Variants in DMD observed in about 807,000 individuals in gnomAD.
DMD encodes mutant dystrophin.
DMD carries 63 observed loss-of-function variants against 330.1 expected under a neutral mutation model. The observed-to-expected ratio is 0.19, with a 90% CI of 0.16 to 0.24. The LOEUF is 0.24. Among genes scored for constraint, DMD ranks in the 10% least tolerant of loss-of-function variants. The pLI, the probability that DMD is intolerant of heterozygous loss-of-function variation, is 1.00. For synonymous variants in DMD, 1,223 were observed against 959.8 expected (o/e 1.27, Z -5.07); for missense variants, 3,344 against 2,684.1 (o/e 1.25, Z -5.43).
At chrX:32,906,652 G>A (rs1257309604) in intron 2 of DMD, among the ~76,000 whole-genome samples, 1 of 111,768 alleles carries the variant, frequency 8.9e-6, no homozygotes, top group Non-Finnish European at 1.9e-5. Flanking sequence ...ACTCTTGGTA[G>A]AATGAGAGGC....
intron 41 of DMD, among the ~76,000 whole-genome samples, chrX:32,331,645 C>A (rs2097680640): frequency 9.0e-6 from 1 of 111,167 alleles, no homozygotes; most frequent in East Asian, 2.8e-4. Flanking sequence ...ATTACTGTAA[C>A]ATTAATTCAG....
intron 61 of DMD, among the ~76,000 whole-genome samples, chrX:31,331,488 A>G (rs925158217): frequency 1.8e-5 from 2 of 111,901 alleles, no homozygotes; most frequent in African/African-American, 3.2e-5. Flanking sequence ...AAAACTTCAA[A>G]AACATCACGG....
chrX:31,646,840 C>T (rs1293297688), intron 54 of DMD, among the ~76,000 whole-genome samples: 2 of 112,316 alleles, frequency 1.8e-5, no homozygotes, highest in Non-Finnish European at 3.8e-5. Context: ...CAACGCACTG[C>T]AGGCTTCACT....
chrX:32,651,067 A>T (rs1394296445), intron 9 of DMD, among the ~76,000 whole-genome samples: 1 of 111,814 alleles, frequency 8.9e-6, no homozygotes, highest in Non-Finnish European at 1.9e-5. Context: ...TCCCAATATG[A>T]TCAATCTCTT....
chrX:32,829,688 G>A (rs1420096693), intron 4 of DMD, among the ~76,000 whole-genome samples: 1 of 111,229 alleles, frequency 9.0e-6, no homozygotes, highest in African/African-American at 3.3e-5. Flanking sequence ...TGGCTATACA[G>A]TTCTCTCTGA....
chrX:31,185,807 T>G (rs1024211566), intron 67 of DMD, among the ~76,000 whole-genome samples: 1 of 110,660 alleles, frequency 9.0e-6, no homozygotes, highest in African/African-American at 3.3e-5. Flanking sequence ...AAACTGACCT[T>G]ACCAATATTT....
At chrX:31,788,961 T>C (rs953330846) in intron 50 of DMD, among the ~76,000 whole-genome samples, 1 of 111,022 alleles carries the variant, frequency 9.0e-6, no homozygotes, top group Non-Finnish European at 1.9e-5. Context: ...TCAGTCAACA[T>C]GTGTCCTAAA....
At chrX:33,285,057 AC>A (rs2053410949) in intron 1 of DMD, among the ~76,000 whole-genome samples, 1 of 111,274 alleles carries the variant, frequency 9.0e-6, no homozygotes, top group Admixed American at 9.6e-5. Flanking sequence ...TCACGTAAGG[AC>A]CTAAAACAGG....
At chrX:33,160,697 T>C (rs2048728204) in intron 1 of DMD, among the ~76,000 whole-genome samples, 1 of 111,929 alleles carries the variant, frequency 8.9e-6, no homozygotes, top group Admixed American at 9.5e-5. Context: ...TCTGACCTCA[T>C]TTATCAAGAG....
chrX:32,103,568 T>C (rs753184174), intron 44 of DMD, among the ~76,000 whole-genome samples: 1 of 112,169 alleles, frequency 8.9e-6, no homozygotes, highest in South Asian at 3.7e-4. Flanking sequence ...CTGAAGTGCC[T>C]GTAATGACTA....
At chrX:31,463,279 T>C (rs994818196) in intron 59 of DMD, among the ~76,000 whole-genome samples, 1 of 111,957 alleles carries the variant, frequency 8.9e-6, no homozygotes, top group African/African-American at 3.2e-5. Flanking sequence ...AAAAATATTA[T>C]TTTAACATGA....
chrX:32,479,782 T>C (rs1195744760), intron 21 of DMD, among the ~76,000 whole-genome samples: 1 of 110,365 alleles, frequency 9.1e-6, no homozygotes, highest in Non-Finnish European at 1.9e-5. Context: ...CATATATCAC[T>C]ATATATATCA....
At chrX:32,906,253 C>A (rs774988488) in intron 2 of DMD, among the ~76,000 whole-genome samples, 1 of 111,027 alleles carries the variant, frequency 9.0e-6, no homozygotes, top group East Asian at 2.9e-4. Context: ...GTGTGCAGCA[C>A]CTCCCCACTT....
At chrX:32,461,683 G>A (rs1206161939) in intron 25 of DMD, among the ~76,000 whole-genome samples, 4 of 108,393 alleles carry the variant, frequency 3.7e-5, no homozygotes, top group East Asian at 2.9e-4. Flanking sequence ...TTTTCCCCTT[G>A]CTCTACATAA....
intron 60 of DMD, among the ~76,000 whole-genome samples, chrX:31,391,618 A>G (rs982904480): frequency 4.7e-4 from 52 of 109,999 alleles, no homozygotes; most frequent in African/African-American, 1.6e-3. Flanking sequence ...CACACCTGTA[A>G]TCCCAGCACT....
intron 62 of DMD, among the ~76,000 whole-genome samples, chrX:31,303,741 C>G (rs1395937540): frequency 9.0e-6 from 1 of 111,725 alleles, no homozygotes; most frequent in Non-Finnish European, 1.9e-5. Flanking sequence ...TCACCTCCTC[C>G]AGCCCTAGTC....
rs757711288 is a variant in DMD, at chrX:31,441,241, G to C, written c.9084+3240C>G. On this transcript the variant is annotated intron_variant, in intron 60 of 78. Transcript: ENST00000357033. ...AGACCGAGTCTGGCTCTGTCGCCCA[G>C]GCTGGAGTGCAGTGGCACGATCTCA... Among the ~76,000 whole-genome samples, 8 of 111,801 alleles carry C rather than the reference G, an allele frequency of 7.2e-5. 1 individual carries two copies. In the South Asian group the frequency reaches 3.0e-3, roughly 42 times the overall value.
chrX:32,961,759 C>T (rs910827246), intron 2 of DMD, among the ~76,000 whole-genome samples: 1 of 111,301 alleles, frequency 9.0e-6, no homozygotes, highest in Non-Finnish European at 1.9e-5. Flanking sequence ...ATTTCCAGGC[C>T]TATGTACATC....
At chrX:32,710,988 C>A (rs1001447549) in intron 7 of DMD, among the ~76,000 whole-genome samples, 15 of 111,436 alleles carry the variant, frequency 1.3e-4, no homozygotes, top group African/African-American at 4.9e-4. Flanking sequence ...TAATATATAA[C>A]TATAATATGC....
Sources: allele counts gnomAD v4.1 joint callset (sites outside exome capture counted in the v4.1 genomes callset), GRCh38; gene constraint gnomAD v4.1.1; transcripts MANE v1.5; gene names NCBI Gene and HGNC (gene_info 2026-07-23, HGNC 2026-07-21).